Variants in CDH12 observed in about 807,000 individuals in gnomAD.
The protein encoded by CDH12 is cadherin 12, also known as cadherin-12.
In CDH12, 41 loss-of-function variants were observed where a neutral mutation model predicts 74.1. The ratio of observed to expected loss-of-function variants is 0.55; its 90% CI spans 0.43 to 0.72. The LOEUF is 0.72. CDH12 is among the 30% of genes least tolerant of loss of function. CDH12 has a pLI of 0.00. For synonymous variants in CDH12, 399 were observed against 355.0 expected, an observed-to-expected ratio of 1.12 and a Z score of -1.39; for missense variants, 945 against 977.2, an observed-to-expected ratio of 0.97 and a Z score of 0.44.
chr5:22,130,318 A>T (rs1038236256), intron 4 of CDH12, among the ~76,000 whole-genome samples: 3 of 151,848 alleles, frequency 2.0e-5, no homozygotes, highest in Non-Finnish European at 2.9e-5. Context: ...AAAAGTTGAG[A>T]ATCACTGGCA....
intron 1 of CDH12, chr5:22,580,847 C>A: frequency 5.8e-6 from 1 of 173,818 alleles, no homozygotes; most frequent in Middle Eastern, 1.8e-3. Context: ...TATGTTTTAG[C>A]AAAGAGACTG....
chr5:22,314,018 G>C (rs1007499540), intron 3 of CDH12, among the ~76,000 whole-genome samples: 3 of 152,200 alleles, frequency 2.0e-5, no homozygotes, highest in Non-Finnish European at 4.4e-5. Flanking sequence ...GGTAGGGCTA[G>C]GGTTGACGGC....
In CDH12 at chr5:22,280,063, G is replaced by T. The variant is rs548014905; in HGVS notation, c.-332-67420C>A. Among the ~76,000 whole-genome samples the T allele has an allele frequency of 4.6e-5, 7 of 152,116 alleles. No homozygotes were observed. The East Asian group carries it at 1.4e-3, about 29-fold the overall frequency. Reference sequence around the variant, plus strand: ...GTTGTTTCCTGACTTTTTAATGATTGCCATTCTAACTGGTGTGAGATGATA... The same window carrying T: ...GTTGTTTCCTGACTTTTTAATGATTTCCATTCTAACTGGTGTGAGATGATA... On this transcript the variant is annotated intron_variant, in intron 3 of 14. Transcript: ENST00000382254.
At position 22,669,627 on chromosome 5, in the gene CDH12, T is replaced by G. The variant is rs147005064; in HGVS notation, c.-522-164263A>C. Among the ~76,000 whole-genome samples, 460 of 152,310 alleles carry G rather than the reference T, an allele frequency of 3.0e-3. 4 individuals are homozygous for G. Among genetic ancestry groups the G allele is most frequent in the African/African-American group, 0.01 (430 of 41,586 alleles). ...GGCAGACTTGGTCTGCATGAACTTT[T>G]GTCATTTGTCCCTTGTATCACCTGC... On this transcript the variant is annotated intron_variant, in intron 1 of 14. Transcript: ENST00000382254.
intron 1 of CDH12, among the ~76,000 whole-genome samples, chr5:22,686,481 A>G (rs1741802900): frequency 6.6e-6 from 1 of 152,180 alleles, no homozygotes; most frequent in Admixed American, 6.5e-5. Context: ...TTACTGCTGC[A>G]TTTTATTCTA....
At chr5:22,177,485 T>A (rs1749406374) in intron 4 of CDH12, among the ~76,000 whole-genome samples, 1 of 152,246 alleles carries the variant, frequency 6.6e-6, no homozygotes, top group Middle Eastern at 3.4e-3. Flanking sequence ...ACTTAAAAAA[T>A]TTCACAAATT....
chr5:22,082,055 CTGTT>C (rs1301304437), intron 4 of CDH12, among the ~76,000 whole-genome samples: 1 of 152,152 alleles, frequency 6.6e-6, no homozygotes, highest in Admixed American at 6.5e-5. Context: ...GAACACATCT[CTGTT>C]TATGTCTTCC....
At chr5:22,530,067 T>G (rs1737519575) in intron 1 of CDH12, among the ~76,000 whole-genome samples, 1 of 152,174 alleles carries the variant, frequency 6.6e-6, no homozygotes, top group Admixed American at 6.6e-5. Context: ...ATTTTTTCAT[T>G]CCTATTTCAA....
At chr5:22,224,469 T>C (rs1752127535) in intron 3 of CDH12, among the ~76,000 whole-genome samples, 1 of 152,106 alleles carries the variant, frequency 6.6e-6, no homozygotes, top group Admixed American at 6.6e-5. Flanking sequence ...TGTTCTGTTC[T>C]TTTGTTGTAG....
At chr5:22,016,068 C>G (rs901425563) in intron 5 of CDH12, among the ~76,000 whole-genome samples, 1 of 151,964 alleles carries the variant, frequency 6.6e-6, no homozygotes, top group Non-Finnish European at 1.5e-5. Context: ...TAAGATATGG[C>G]TATTGGCTAT....
At chr5:22,644,834 A>T (rs979588508) in intron 1 of CDH12, among the ~76,000 whole-genome samples, 2 of 152,000 alleles carry the variant, frequency 1.3e-5, no homozygotes, top group Non-Finnish European at 2.9e-5. Flanking sequence ...GCCAGTGATC[A>T]TTTACTATTC....
At chr5:22,089,808 C>T (rs1299227207) in intron 4 of CDH12, among the ~76,000 whole-genome samples, 1 of 151,486 alleles carries the variant, frequency 6.6e-6, no homozygotes, top group Non-Finnish European at 1.5e-5. Context: ...CAAACAATGC[C>T]GTCTAAAATA....
rs368628437 is a variant in CDH12 at position 22,159,361 on chromosome 5, G to A, written c.-187+53137C>T. 3.3e-5 allele frequency among the ~76,000 whole-genome samples: 5 copies of A among 152,292 alleles called. No homozygotes were observed. The South Asian group carries it at 6.2e-4, about 19-fold the overall frequency. On this transcript the variant is annotated intron_variant, in intron 4 of 14. Coordinates refer to ENST00000382254, the MANE Select transcript of CDH12 (RefSeq NM_004061.5). ...TTTTCTCCAAATTTCTTAGGATAAT[G>A]AGGATATGCCTACACATTTTCATTA... is the stretch of plus-strand genomic sequence containing the variant.
At chr5:22,206,598 T>A (rs1238646956) in intron 4 of CDH12, among the ~76,000 whole-genome samples, 4 of 141,538 alleles carry the variant, frequency 2.8e-5, no homozygotes, top group Non-Finnish European at 6.0e-5. Flanking sequence ...ACTTCTTTAT[T>A]TAAGTCACAT....
intron 2 of CDH12, among the ~76,000 whole-genome samples, chr5:22,439,805 A>G (rs551373853): frequency 6.6e-6 from 1 of 152,264 alleles, no homozygotes; most frequent in South Asian, 2.1e-4. Flanking sequence ...AAGTTCTTAA[A>G]TATACCCTGA....
At chr5:21,854,599 C>T in intron 7 of CDH12, 72 bp downstream of exon 7, 3 of 1,289,716 alleles carry the variant, frequency 2.3e-6, no homozygotes, top group Non-Finnish European at 3.3e-6. Context: ...TGCAACTCCC[C>T]ATGCCAAGAT....
chr5:22,191,154 G>A (rs1353760735), intron 4 of CDH12, among the ~76,000 whole-genome samples: 2 of 151,884 alleles, frequency 1.3e-5, no homozygotes, highest in Non-Finnish European at 2.9e-5. Flanking sequence ...CTACATGGAC[G>A]CTTCCCTTTG....
rs576567762 is a variant in CDH12 at position 22,370,828 on chromosome 5, C to T, written c.-333+34429G>A. 1.7e-4 allele frequency among the ~76,000 whole-genome samples: 26 copies of T among 152,166 alleles called. 1 individual carries two copies. Among genetic ancestry groups the T allele is most frequent in the African/African-American group, 6.3e-4 (26 of 41,542 alleles). On this transcript the variant is annotated intron_variant, in intron 3 of 14. Transcript: ENST00000382254. ...GAGCTAGATAACCTGACCTGTTCTG[C>T]CTTCAACAGCAAAAAAATCATCTGG...
intron 3 of CDH12, among the ~76,000 whole-genome samples, chr5:22,279,727 T>G (rs1736794592): frequency 6.6e-6 from 1 of 152,198 alleles, no homozygotes; most frequent in South Asian, 2.1e-4. Context: ...TATGGCTGCA[T>G]AGTATTCCAT....
Sources: allele counts gnomAD v4.1 joint callset (sites outside exome capture counted in the v4.1 genomes callset), GRCh38; gene constraint gnomAD v4.1.1; transcripts MANE v1.5; gene names NCBI Gene and HGNC (gene_info 2026-07-23, HGNC 2026-07-21).